Variants in PXDNL observed in about 807,000 individuals in gnomAD.
PXDNL encodes the protein probable oxidoreductase PXDNL.
In PXDNL, 145 loss-of-function variants were observed where a neutral mutation model predicts 150.8. The observed-to-expected ratio is 0.96, with a 90% CI of 0.84 to 1.10. The LOEUF is 1.10. Among genes scored for constraint, PXDNL ranks in the 50% least tolerant of loss-of-function variants. PXDNL has a pLI of 0.00. For missense variants in PXDNL, 2,087 were observed against 1,873.9 expected (o/e 1.11, Z -2.10); for synonymous variants, 757 against 725.7 (o/e 1.04, Z -0.69).
intron 1 of PXDNL, among the ~76,000 whole-genome samples, chr8:51,664,793 C>A (rs1403489703): frequency 6.6e-6 from 1 of 152,028 alleles, no homozygotes; most frequent in Non-Finnish European, 1.5e-5. Context: ...TGAAGCTGAG[C>A]CTGTCTGCAT....
chr8:51,489,755 A>G (rs1810847708), intron 5 of PXDNL, among the ~76,000 whole-genome samples: 1 of 152,254 alleles, frequency 6.6e-6, no homozygotes, highest in African/African-American at 2.4e-5. Context: ...TTATAATTTT[A>G]TAACAGACAA....
intron 11 of PXDNL, among the ~76,000 whole-genome samples, chr8:51,448,459 C>T (rs1057409756): frequency 6.6e-6 from 1 of 152,134 alleles, no homozygotes; most frequent in Non-Finnish European, 1.5e-5. Flanking sequence ...AATCCCAGAA[C>T]TTTGGGAGGC....
intron 1 of PXDNL, among the ~76,000 whole-genome samples, chr8:51,736,459 C>T (rs1273666344): frequency 6.6e-6 from 1 of 152,178 alleles, no homozygotes; most frequent in East Asian, 1.9e-4. Context: ...CTGTAAAATG[C>T]CATACACCTT....
intron 5 of PXDNL, among the ~76,000 whole-genome samples, chr8:51,488,348 A>G (rs1188306226): frequency 6.6e-6 from 1 of 152,168 alleles, no homozygotes; most frequent in African/African-American, 2.4e-5. Context: ...AGAGACCCCA[A>G]ACAGTTACGG....
At chr8:51,716,821 C>A (rs937884890) in intron 1 of PXDNL, among the ~76,000 whole-genome samples, 2 of 152,190 alleles carry the variant, frequency 1.3e-5, no homozygotes, top group East Asian at 1.9e-4. Context: ...AAGGCTCCCT[C>A]GGGCCCTTCA....
chr8:51,651,503 A>G (rs919867605), intron 2 of PXDNL, among the ~76,000 whole-genome samples: 8 of 151,388 alleles, frequency 5.3e-5, no homozygotes, highest in African/African-American at 1.9e-4. Context: ...ATACCCCCCA[A>G]CCCCTCCCTT....
At chr8:51,402,270 C>A (rs1808275262) in intron 17 of PXDNL, among the ~76,000 whole-genome samples, 2 of 152,156 alleles carry the variant, frequency 1.3e-5, no homozygotes, top group African/African-American at 2.4e-5. Context: ...TGGCTCACAT[C>A]TGTAATCCCA....
At chr8:51,379,829 A>G (rs1014502379) in intron 17 of PXDNL, among the ~76,000 whole-genome samples, 8 of 152,146 alleles carry the variant, frequency 5.3e-5, no homozygotes, top group Admixed American at 2.0e-4. Context: ...TGATTTTCAT[A>G]TATGATATGA....
chr8:51,591,919 C>T (rs1813452823), intron 3 of PXDNL, among the ~76,000 whole-genome samples: 1 of 152,126 alleles, frequency 6.6e-6, no homozygotes, highest in Non-Finnish European at 1.5e-5. Context: ...GTGCCCGGCC[C>T]ATTATTGCCT....
intron 3 of PXDNL, among the ~76,000 whole-genome samples, chr8:51,559,403 G>C (rs1030495307): frequency 1.5e-5 from 2 of 137,376 alleles, no homozygotes; most frequent in African/African-American, 5.2e-5. Context: ...ATTAACACCA[G>C]TCACACAGCT....
intron 1 of PXDNL, among the ~76,000 whole-genome samples, chr8:51,688,172 G>A (rs1815916098): frequency 6.6e-6 from 1 of 152,060 alleles, no homozygotes; most frequent in South Asian, 2.1e-4. Context: ...CACAGCCACT[G>A]CGGCAGATCA....
At chr8:51,799,034 A>T (rs2037591424) in intron 1 of PXDNL, among the ~76,000 whole-genome samples, 1 of 152,238 alleles carries the variant, frequency 6.6e-6, no homozygotes, top group African/African-American at 2.4e-5. Context: ...TAGTACATAT[A>T]CACCATGGAA....
At chr8:51,650,116 A>AAT (rs1476169357) in intron 2 of PXDNL, among the ~76,000 whole-genome samples, 5 of 151,670 alleles carry the variant, frequency 3.3e-5, no homozygotes, top group Non-Finnish European at 5.9e-5. Context: ...AAAAAAAAAA[A>AAT]AAAAATTCCA....
At chr8:51,497,223 G>T (rs1400887557) in intron 5 of PXDNL, among the ~76,000 whole-genome samples, 1 of 152,100 alleles carries the variant, frequency 6.6e-6, no homozygotes, top group Non-Finnish European at 1.5e-5. Flanking sequence ...GGGAAAACTG[G>T]CTAGCCATAT....
At chr8:51,740,798 C>T (rs1180270282) in intron 1 of PXDNL, among the ~76,000 whole-genome samples, 3 of 152,080 alleles carry the variant, frequency 2.0e-5, no homozygotes, top group Non-Finnish European at 2.9e-5. Flanking sequence ...TCTTGCATCC[C>T]GGTGATGAAG....
chr8:51,599,716 CA>C (rs1233167533), intron 2 of PXDNL, among the ~76,000 whole-genome samples: 1 of 143,872 alleles, frequency 7.0e-6, no homozygotes, highest in Admixed American at 7.0e-5. Context: ...TAAATGATGT[CA>C]TTTATATAAT....
intron 2 of PXDNL, among the ~76,000 whole-genome samples, chr8:51,610,595 A>G (rs1813979951): frequency 6.6e-6 from 1 of 152,182 alleles, no homozygotes; most frequent in South Asian, 2.1e-4. Flanking sequence ...GCTGTAAACA[A>G]TACTCCTTTA....
intron 21 of PXDNL, among the ~76,000 whole-genome samples, chr8:51,322,665 C>G (rs565422137): frequency 6.6e-6 from 1 of 152,230 alleles, no homozygotes; most frequent in Admixed American, 6.5e-5. Flanking sequence ...AGGAGATTGG[C>G]TAGATGTGGG....
chr8:51,414,042 T>C (rs1186646248), intron 14 of PXDNL, among the ~76,000 whole-genome samples: 1 of 152,068 alleles, frequency 6.6e-6, no homozygotes, highest in Non-Finnish European at 1.5e-5. Flanking sequence ...AAAGTCAATA[T>C]AGCTTTAAAT....
Sources: allele counts gnomAD v4.1 joint callset (sites outside exome capture counted in the v4.1 genomes callset), GRCh38; gene constraint gnomAD v4.1.1; transcripts MANE v1.5; gene names NCBI Gene and HGNC (gene_info 2026-07-23, HGNC 2026-07-21).